Variants in DLGAP1 observed in about 807,000 individuals in gnomAD.
DLGAP1 encodes the protein disks large-associated protein 1.
In DLGAP1, 11 loss-of-function variants were observed where a neutral mutation model predicts 90.8. The observed-to-expected ratio is 0.12, with a 90% CI of 0.08 to 0.20. The LOEUF (loss-of-function observed/expected upper bound fraction) is 0.20, where lower values mean the gene tolerates loss of function less well. Among genes scored for constraint, DLGAP1 ranks in the 10% least tolerant of loss-of-function variants. The probability of loss-of-function intolerance (pLI) is 1.00; values close to 1 mark genes in which losing one functional copy is unlikely to be tolerated. For synonymous variants in DLGAP1, 558 were observed against 540.7 expected (o/e 1.03, Z -0.44); for missense variants, 1,050 against 1,333.8 (o/e 0.79, Z 3.31).
intron 3 of DLGAP1, among the ~76,000 whole-genome samples, chr18:3,955,079 A>T (rs1034549517): frequency 1.3e-5 from 2 of 152,142 alleles, no homozygotes; most frequent in African/African-American, 4.8e-5. Context: ...GCGGGGGGGA[A>T]GGAACATCAG....
intron 1 of DLGAP1, among the ~76,000 whole-genome samples, chr18:4,251,221 A>C (rs2145196368): frequency 6.6e-6 from 1 of 152,314 alleles, no homozygotes; most frequent in East Asian, 1.9e-4. Flanking sequence ...TTTCTCCTTA[A>C]AATCCTCTTA....
At chr18:3,797,487 A>G (rs1362630266) in intron 5 of DLGAP1, among the ~76,000 whole-genome samples, 2 of 152,148 alleles carry the variant, frequency 1.3e-5, no homozygotes, top group African/African-American at 4.8e-5. Context: ...TAGAAAATAA[A>G]CTTTTGTTAA....
At chr18:3,523,634 T>C (rs926801903) in intron 10 of DLGAP1, among the ~76,000 whole-genome samples, 2 of 150,598 alleles carry the variant, frequency 1.3e-5, no homozygotes, top group African/African-American at 4.9e-5. Context: ...GATCACGAGG[T>C]CAGGAGATCG....
At chr18:3,623,803 A>AC (rs1567853437) in intron 7 of DLGAP1, among the ~76,000 whole-genome samples, 3 of 144,516 alleles carry the variant, frequency 2.1e-5, no homozygotes, top group Non-Finnish European at 3.0e-5. Context: ...AAAAAGGAAA[A>AC]CCCCCCTAGA....
At chr18:4,269,276 T>A (rs924656925) in intron 1 of DLGAP1, among the ~76,000 whole-genome samples, 1 of 149,382 alleles carries the variant, frequency 6.7e-6, no homozygotes, top group African/African-American at 2.4e-5. Flanking sequence ...ATAATTTCTC[T>A]TTGGAAAACT....
rs564406272 is a variant in DLGAP1 at position 3,760,833 on chromosome 18, G to A, written c.1173-18321C>T. On this transcript the variant is annotated intron_variant, in intron 5 of 12. Coordinates refer to ENST00000315677, the MANE Select transcript of DLGAP1 (RefSeq NM_004746.4). Reference sequence around the variant, plus strand: ...CAGATAAAAATGTGATTTTCTGTGGGGGGTGGTTCCCTGTAGCATAAATAG... The same window carrying A: ...CAGATAAAAATGTGATTTTCTGTGGAGGGTGGTTCCCTGTAGCATAAATAG... 4.6e-5 allele frequency among the ~76,000 whole-genome samples: 7 copies of A among 152,286 alleles called. No homozygotes were observed. In the South Asian group the frequency reaches 1.0e-3, roughly 23 times the overall value.
At chr18:4,385,380 C>T (rs774623864) in intron 1 of DLGAP1, among the ~76,000 whole-genome samples, 2 of 152,186 alleles carry the variant, frequency 1.3e-5, no homozygotes, top group Non-Finnish European at 2.9e-5. Context: ...AAATGCCCTC[C>T]TCAGACCCCC....
chr18:3,861,961 T>C (rs16945535), intron 4 of DLGAP1, among the ~76,000 whole-genome samples: 19,973 of 152,246 alleles, frequency 0.13, 1,394 homozygotes, highest in South Asian at 0.24. Context: ...AAAATGCAGC[T>C]TTGGAAGTCT....
intron 11 of DLGAP1, among the ~76,000 whole-genome samples, chr18:3,505,454 T>C (rs1449347542): frequency 1.3e-5 from 2 of 151,332 alleles, no homozygotes; most frequent in Non-Finnish European, 2.9e-5. Context: ...CTGGCCAATA[T>C]GATGAAACCC....
At chr18:4,350,250 G>A (rs2081379201) in intron 1 of DLGAP1, among the ~76,000 whole-genome samples, 1 of 151,990 alleles carries the variant, frequency 6.6e-6, no homozygotes, top group Non-Finnish European at 1.5e-5. Context: ...AAAATGGAGG[G>A]AAATATTAGT....
chr18:3,724,569 C>T (rs1208836088), intron 7 of DLGAP1, among the ~76,000 whole-genome samples: 1 of 151,824 alleles, frequency 6.6e-6, no homozygotes, highest in Non-Finnish European at 1.5e-5. Flanking sequence ...CATGGTGAAA[C>T]CCCATCTCTA....
intron 3 of DLGAP1, among the ~76,000 whole-genome samples, chr18:3,960,553 A>G (rs907736000): frequency 6.6e-6 from 1 of 151,936 alleles, no homozygotes; most frequent in Non-Finnish European, 1.5e-5. Context: ...CAGAGCGGAG[A>G]CCCCCATCTC....
chr18:3,600,312 C>T (rs1385936794), intron 7 of DLGAP1, among the ~76,000 whole-genome samples: 1 of 151,706 alleles, frequency 6.6e-6, no homozygotes, highest in African/African-American at 2.4e-5. Flanking sequence ...AGTGCAATGG[C>T]ACGCACGATC....
intron 7 of DLGAP1, among the ~76,000 whole-genome samples, chr18:3,623,559 G>C (rs1036601984): frequency 1.3e-5 from 2 of 151,920 alleles, no homozygotes; most frequent in African/African-American, 4.8e-5. Context: ...AGGCTGAGGC[G>C]GGCGGATCAC....
intron 7 of DLGAP1, chr18:3,598,179 T>A (rs923708688): frequency 6.6e-6 from 1 of 152,206 alleles, no homozygotes; most frequent in Non-Finnish European, 1.5e-5. Context: ...ATAGTGAACC[T>A]GTCTCTACTA....
intron 2 of DLGAP1, among the ~76,000 whole-genome samples, chr18:4,066,876 G>C (rs2075377644): frequency 6.6e-6 from 1 of 152,036 alleles, no homozygotes; most frequent in African/African-American, 2.4e-5. Flanking sequence ...ACATGCATGT[G>C]AATGTTCATT....
chr18:4,238,966 T>C (rs1350432967), intron 1 of DLGAP1, among the ~76,000 whole-genome samples: 1 of 152,216 alleles, frequency 6.6e-6, no homozygotes, highest in African/African-American at 2.4e-5. Flanking sequence ...ATAATTTGCA[T>C]GAACATCAAA....
At chr18:4,315,521 T>G (rs2080505464) in intron 1 of DLGAP1, among the ~76,000 whole-genome samples, 1 of 152,242 alleles carries the variant, frequency 6.6e-6, no homozygotes, top group African/African-American at 2.4e-5. Flanking sequence ...TCAATTGCTT[T>G]CTAGAAGTAG....
intron 5 of DLGAP1, among the ~76,000 whole-genome samples, chr18:3,750,433 C>G (rs147631222): frequency 1.2e-3 from 183 of 152,314 alleles, no homozygotes; most frequent in African/African-American, 4.3e-3. Context: ...TAAACATACA[C>G]GTGCATGTGT....
Sources: allele counts gnomAD v4.1 joint callset (sites outside exome capture counted in the v4.1 genomes callset), GRCh38; gene constraint gnomAD v4.1.1; transcripts MANE v1.5; gene names NCBI Gene and HGNC (gene_info 2026-07-23, HGNC 2026-07-21).